The following TNFSF4 variants were observed in gnomAD, a reference collection of about 807,000 sequenced individuals.
TNFSF4 encodes the protein tumor necrosis factor ligand superfamily member 4.
TNFSF4 carries 4 observed loss-of-function variants against 7.3 expected under a neutral mutation model. The ratio of observed to expected loss-of-function variants is 0.55; its 90% CI spans 0.27 to 1.25. The LOEUF (loss-of-function observed/expected upper bound fraction) is 1.25. TNFSF4 is among the 50% of genes most tolerant of loss of function. The probability of loss-of-function intolerance (pLI) is 0.12; values close to 1 mark genes in which losing one functional copy is unlikely to be tolerated. For missense variants in TNFSF4, 181 were observed against 208.8 expected, an observed-to-expected ratio of 0.87 and a Z score of 0.82; for synonymous variants, 76 against 83.7, an observed-to-expected ratio of 0.91 and a Z score of 0.50.
chr1:173,344,537 T>C, the TNFSF4 span, among the ~76,000 whole-genome samples: 1 of 152,232 alleles, frequency 6.6e-6, no homozygotes, highest in Non-Finnish European at 1.5e-5. Flanking sequence ...CAATATCATT[T>C]GGCTTCCTTC....
the TNFSF4 span, among the ~76,000 whole-genome samples, chr1:173,264,441 C>T: frequency 0.033 from 4,997 of 151,670 alleles, 132 homozygotes; most frequent in Non-Finnish European, 0.049. Context: ...AGGTGTAAGC[C>T]GCCATGCCTG....
chr1:173,357,672 C>G, the TNFSF4 span, among the ~76,000 whole-genome samples: 1 of 152,140 alleles, frequency 6.6e-6, no homozygotes, highest in Non-Finnish European at 1.5e-5. Flanking sequence ...GCTGGGATTA[C>G]AGGCATGCAC....
At position 173,185,572 on chromosome 1, in the gene TNFSF4, G is replaced by A. The variant is rs1649187411; in HGVS notation, c.*944C>T. 6.6e-6 allele frequency: 1 copy of A among 152,182 alleles called. No homozygotes were observed. The highest frequency in any genetic ancestry group is 1.5e-5 in the Non-Finnish European group (1 of 68,038). The allele number at this position is 152,182 out of a possible 1,614,324, so 9.4% of individuals were successfully genotyped here. On this transcript the variant is annotated 3_prime_UTR_variant, in exon 3 of 3. Transcript: ENST00000281834. ...CAATGTTTCTGTGTGTACAAGACAT[G>A]GAGCTGAGTGCGTATCTCAGCATAG...
chr1:173,448,909 G>C, the TNFSF4 span, among the ~76,000 whole-genome samples: 7 of 152,150 alleles, frequency 4.6e-5, no homozygotes, highest in African/African-American at 1.7e-4. Context: ...ATTAATAAAA[G>C]AAACATATCT....
At chr1:173,187,017 C>G (rs1433477836) in intron 2 of TNFSF4, 152 bp from the exon 3 acceptor site, 5 of 588,998 alleles carry the variant, frequency 8.5e-6, no homozygotes, top group Non-Finnish European at 1.5e-5. Flanking sequence ...CGCCACTGCA[C>G]TCCAGCCTGG....
chr1:173,345,607 G>A, the TNFSF4 span, among the ~76,000 whole-genome samples: 1 of 152,196 alleles, frequency 6.6e-6, no homozygotes, highest in South Asian at 2.1e-4. Flanking sequence ...TTGAGGTTGG[G>A]GAATGAGGAA....
chr1:173,340,991 TAGTG>T, the TNFSF4 span, among the ~76,000 whole-genome samples: 3 of 152,174 alleles, frequency 2.0e-5, no homozygotes, highest in Non-Finnish European at 2.9e-5. Flanking sequence ...GTTCTCGTGA[TAGTG>T]AGTGAGTTCT....
the TNFSF4 span, among the ~76,000 whole-genome samples, chr1:173,231,813 C>A: frequency 6.6e-6 from 1 of 152,064 alleles, no homozygotes; most frequent in African/African-American, 2.4e-5. Context: ...TTCTTATACA[C>A]CAATAACAGA....
rs1649174599 is a variant in TNFSF4 at position 173,185,290 on chromosome 1, C to A, written c.*1226G>T. The A allele has an allele frequency of 6.6e-6, 1 of 152,104 alleles. No homozygotes were observed. Among genetic ancestry groups the A allele is most frequent in the Non-Finnish European group, 1.5e-5 (1 of 68,010 alleles). 9.4% of individuals were successfully genotyped at this position (152,104 alleles called of 1,614,324 possible). A position where few individuals can be genotyped will look rare whatever the true frequency, so the allele number is the denominator to read the frequency against. On this transcript the variant is annotated 3_prime_UTR_variant, in exon 3 of 3. Transcript: ENST00000281834. ...AGTTGACATGAAAAATCAGATTGTC[C>A]ACAGCGCCATAAGCATAACACATTA...
chr1:173,299,231 G>GT, the TNFSF4 span, among the ~76,000 whole-genome samples: 1 of 151,894 alleles, frequency 6.6e-6, no homozygotes, highest in Admixed American at 6.6e-5. Flanking sequence ...GCTTTTAGGA[G>GT]TATTGACAGC....
the TNFSF4 span, among the ~76,000 whole-genome samples, chr1:173,377,173 T>C: frequency 6.6e-6 from 1 of 152,292 alleles, no homozygotes; most frequent in South Asian, 2.1e-4. Context: ...TCCAGACACA[T>C]TTTGGCAACC....
At chr1:173,411,357 T>A in the TNFSF4 span, among the ~76,000 whole-genome samples, 6 of 152,228 alleles carry the variant, frequency 3.9e-5, no homozygotes, top group African/African-American at 1.4e-4. Context: ...AGCTCTGTGA[T>A]GACAAGCAAA....
chr1:173,284,791 A>T, the TNFSF4 span, among the ~76,000 whole-genome samples: 4 of 152,146 alleles, frequency 2.6e-5, 1 homozygote, highest in Admixed American at 2.6e-4. Flanking sequence ...CATTATTAAC[A>T]CCTACTCCTC....
Position 173,186,465 on chromosome 1 carries a change from C to A in TNFSF4, c.*51G>T. ...TGAAGAATCCATGCCCTGTCCACCC[C>A]CAGCTTGGTGTTCATGCTGGTGCCT... On this transcript the variant is annotated 3_prime_UTR_variant, in exon 3 of 3. Coordinates refer to ENST00000281834, the MANE Select transcript of TNFSF4 (RefSeq NM_003326.5). The A allele has an allele frequency of 6.8e-7, 1 of 1,465,928 alleles. No homozygotes were observed. 90.8% of individuals were successfully genotyped at this position (1,465,928 alleles called of 1,614,324 possible). A position where few individuals can be genotyped will look rare whatever the true frequency, so the allele number is the denominator to read the frequency against.
At chr1:173,338,154 G>T in the TNFSF4 span, among the ~76,000 whole-genome samples, 4 of 152,130 alleles carry the variant, frequency 2.6e-5, no homozygotes, top group Non-Finnish European at 5.9e-5. Flanking sequence ...TCCCCAGCAT[G>T]GTACCATTCC....
At chr1:173,187,673 C>A (rs1419458689) in intron 2 of TNFSF4, among the ~76,000 whole-genome samples, 2 of 152,126 alleles carry the variant, frequency 1.3e-5, no homozygotes, top group Admixed American at 1.3e-4. Context: ...GAGTCACTGC[C>A]ACAGGAGAAA....
the TNFSF4 span, among the ~76,000 whole-genome samples, chr1:173,392,477 G>T: frequency 2.0e-5 from 3 of 152,088 alleles, no homozygotes; most frequent in African/African-American, 4.8e-5. Flanking sequence ...AATTATAGTA[G>T]GCTGCCTGGC....
the TNFSF4 span, among the ~76,000 whole-genome samples, chr1:173,297,752 T>C: frequency 1.3e-5 from 2 of 151,574 alleles, no homozygotes. Flanking sequence ...TATAGATGGG[T>C]TGTTGGAAGG....
chr1:173,298,642 A>G, the TNFSF4 span, among the ~76,000 whole-genome samples: 1 of 151,734 alleles, frequency 6.6e-6, no homozygotes, highest in African/African-American at 2.4e-5. Flanking sequence ...CCAGAGCAGG[A>G]CTCCCACAGC....
Sources: gnomAD v4.1 joint callset for allele counts (sites outside exome capture counted in the v4.1 genomes callset) on GRCh38, gnomAD v4.1.1 for gene constraint, MANE v1.5 for transcripts, NCBI Gene and HGNC (gene_info 2026-07-23, HGNC 2026-07-21) for gene names.